The following CTTNBP2 variants were observed in gnomAD, a reference collection of about 807,000 sequenced individuals.
CTTNBP2 encodes the protein cortactin-binding protein 2.
CTTNBP2 carries 108 observed loss-of-function variants against 156.9 expected under a neutral mutation model. The ratio of observed to expected loss-of-function variants is 0.69; its 90% confidence interval spans 0.59 to 0.81. The LOEUF is 0.81. Among genes scored for constraint, CTTNBP2 ranks in the 30% least tolerant of loss-of-function variants. The pLI, the probability that CTTNBP2 is intolerant of heterozygous loss-of-function variation, is 0.00. For synonymous variants in CTTNBP2, 767 were observed against 751.8 expected (o/e 1.02, Z -0.33); for missense variants, 1,924 against 2,035.4 (o/e 0.95, Z 1.05).
intron 8 of CTTNBP2, among the ~76,000 whole-genome samples, chr7:117,773,011 A>T (rs935039795): frequency 1.6e-4 from 25 of 152,336 alleles, no homozygotes; most frequent in Non-Finnish European, 2.5e-4. Flanking sequence ...ACAATTTTTT[A>T]AAAAAATTAA....
intron 3 of CTTNBP2, among the ~76,000 whole-genome samples, chr7:117,793,202 G>A (rs1799131842): frequency 6.6e-6 from 1 of 152,150 alleles, no homozygotes; most frequent in Non-Finnish European, 1.5e-5. Flanking sequence ...GAAAAGTACT[G>A]AAAACCGAGG....
intron 14 of CTTNBP2, among the ~76,000 whole-genome samples, chr7:117,745,520 T>G (rs1169756892): frequency 6.6e-6 from 1 of 152,210 alleles, no homozygotes; most frequent in Non-Finnish European, 1.5e-5. Context: ...GCATCAAAGA[T>G]GCAATACCTA....
intron 1 of CTTNBP2, among the ~76,000 whole-genome samples, chr7:117,867,989 G>A (rs1344475219): frequency 6.6e-6 from 1 of 152,122 alleles, no homozygotes; most frequent in East Asian, 1.9e-4. Flanking sequence ...AGTGGCTCAG[G>A]GGTGACAGCC....
At chr7:117,727,479 C>T (rs1432952557) in intron 17 of CTTNBP2, among the ~76,000 whole-genome samples, 1 of 152,138 alleles carries the variant, frequency 6.6e-6, no homozygotes, top group Non-Finnish European at 1.5e-5. Context: ...AGGCATGAAC[C>T]ACTACATCCA....
At chr7:117,836,289 G>T (rs571503904) in intron 2 of CTTNBP2, among the ~76,000 whole-genome samples, 172 of 152,328 alleles carry the variant, frequency 1.1e-3, no homozygotes, top group Non-Finnish European at 2.0e-3. Context: ...CAGTGGCTGG[G>T]AGCGGTGGCT....
intron 22 of CTTNBP2, chr7:117,714,343 C>A (rs1361294725): frequency 8.5e-5 from 13 of 152,174 alleles, no homozygotes; most frequent in Admixed American, 7.2e-4. Context: ...CATGGGCCTA[C>A]TAAGGCCAAT....
chr7:117,724,386 T>C (rs1256686556), intron 19 of CTTNBP2, among the ~76,000 whole-genome samples, 161 bp downstream of exon 19: 1 of 152,214 alleles, frequency 6.6e-6, no homozygotes, highest in Non-Finnish European at 1.5e-5. Context: ...TTTTTGGAAA[T>C]GTACCTACTA....
chr7:117,794,069 G>T (rs1195961528), intron 3 of CTTNBP2, among the ~76,000 whole-genome samples: 1 of 152,204 alleles, frequency 6.6e-6, no homozygotes, highest in African/African-American at 2.4e-5. Flanking sequence ...TAGAACAGTG[G>T]CTGGCACACA....
At chr7:117,853,089 C>A (rs1311727707) in intron 2 of CTTNBP2, among the ~76,000 whole-genome samples, 1 of 152,164 alleles carries the variant, frequency 6.6e-6, no homozygotes. Context: ...AGCTTCATCT[C>A]CATCCCCTGT....
intron 16 of CTTNBP2, among the ~76,000 whole-genome samples, chr7:117,728,698 GCTGA>G (rs1434805275): frequency 6.6e-5 from 10 of 152,220 alleles, no homozygotes; most frequent in South Asian, 6.2e-4. Flanking sequence ...ATTAAATTAA[GCTGA>G]CTAACATATC....
At chr7:117,822,303 A>T (rs1801013474) in intron 2 of CTTNBP2, among the ~76,000 whole-genome samples, 1 of 151,844 alleles carries the variant, frequency 6.6e-6, no homozygotes, top group Non-Finnish European at 1.5e-5. Context: ...GGAGTATTTC[A>T]ATTTTGTTGA....
intron 16 of CTTNBP2, among the ~76,000 whole-genome samples, chr7:117,734,239 A>G (rs1031785474): frequency 6.6e-6 from 1 of 152,244 alleles, no homozygotes; most frequent in African/African-American, 2.4e-5. Flanking sequence ...AAATCCTGCA[A>G]TAATGCAATG....
At chr7:117,745,480 A>G (rs1011534722) in intron 14 of CTTNBP2, among the ~76,000 whole-genome samples, 9 of 152,222 alleles carry the variant, frequency 5.9e-5, no homozygotes, top group Admixed American at 1.3e-4. Flanking sequence ...TCTGCTGTGT[A>G]TCACCACCAT....
chr7:117,770,587 A>G (rs1412125274), intron 8 of CTTNBP2, among the ~76,000 whole-genome samples: 1 of 152,242 alleles, frequency 6.6e-6, no homozygotes, highest in Non-Finnish European at 1.5e-5. Flanking sequence ...AGTAAGGCAC[A>G]AAGCCCCTTT....
In CTTNBP2 at chr7:117,725,274, C is replaced by T. The variant is rs772604826; in HGVS notation, c.4056-17G>A. 5.6e-6 allele frequency: 9 copies of T among 1,607,660 alleles called. No individual in the cohort carries two copies. The highest frequency in any genetic ancestry group is 2.2e-5 in the South Asian group (2 of 90,924). ...GACATCCACCTAGCAGGAGAGGGACCGATTCATCCCTTAGGAGCAGGCTTC... is the reference window on the plus strand; with the variant it reads ...GACATCCACCTAGCAGGAGAGGGACTGATTCATCCCTTAGGAGCAGGCTTC... On this transcript the variant is annotated splice_polypyrimidine_tract_variant and intron_variant, in intron 17 of 22. Transcript: ENST00000160373.
chr7:117,850,200 T>A (rs547320551), intron 2 of CTTNBP2, among the ~76,000 whole-genome samples: 1 of 152,326 alleles, frequency 6.6e-6, no homozygotes, highest in African/African-American at 2.4e-5. Flanking sequence ...ATTAGTAGAA[T>A]ATACAATAGC....
At chr7:117,748,729 T>G (rs1040508833) in intron 12 of CTTNBP2, among the ~76,000 whole-genome samples, 1 of 152,212 alleles carries the variant, frequency 6.6e-6, no homozygotes, top group Non-Finnish European at 1.5e-5. Flanking sequence ...TCTACCACCT[T>G]GCATCCTGTA....
chr7:117,777,370 A>C, intron 8 of CTTNBP2, 141 bp downstream of exon 8: 1 of 834,164 alleles, frequency 1.2e-6, no homozygotes, highest in Non-Finnish European at 1.9e-6. Context: ...GAATAATGTC[A>C]ATTTGTATTG....
At chr7:117,744,548 C>T (rs572155809) in intron 14 of CTTNBP2, among the ~76,000 whole-genome samples, 1 of 152,218 alleles carries the variant, frequency 6.6e-6, no homozygotes, top group South Asian at 2.1e-4. Flanking sequence ...AGCGCTCCAT[C>T]GTGTATATGT....
Sources: gnomAD v4.1 joint callset for allele counts (sites outside exome capture counted in the v4.1 genomes callset) on GRCh38, gnomAD v4.1.1 for gene constraint, MANE v1.5 for transcripts, NCBI Gene and HGNC (gene_info 2026-07-23, HGNC 2026-07-21) for gene names.